Variants in ATF6 observed in about 807,000 individuals in gnomAD.
ATF6 encodes the protein cyclic AMP-dependent transcription factor ATF-6 alpha.
ATF6 carries 53 observed loss-of-function variants against 83.6 expected under a neutral mutation model. That is an observed-to-expected ratio of 0.63 (90% CI 0.51 to 0.80). The LOEUF (loss-of-function observed/expected upper bound fraction) is 0.80. ATF6 is among the 30% of genes least tolerant of loss of function. The pLI is 0.00. For synonymous variants in ATF6, 288 were observed against 285.8 expected (o/e 1.01, Z -0.08); for missense variants, 744 against 797.9 (o/e 0.93, Z 0.81).
Position 161,911,277 on chromosome 1 carries a change from T to C in ATF6, c.1720-1019T>C, listed in dbSNP as rs1260810525. Among the ~76,000 whole-genome samples, 4 of 152,222 alleles carry C rather than the reference T, an allele frequency of 2.6e-5. No homozygotes were observed. In the South Asian group the frequency reaches 6.2e-4, roughly 24 times the overall value. On this transcript the variant is annotated intron_variant, in intron 14 of 15. Coordinates refer to ENST00000367942, the MANE Select transcript of ATF6 (RefSeq NM_007348.4). ...ATGCTCCCTTAAATGGAAATGCTAA[T>C]ATACTTCTTTTTTTCTTTTTTCTGT...
intron 15 of ATF6, among the ~76,000 whole-genome samples, chr1:161,922,577 G>A (rs536617467): frequency 1.3e-5 from 2 of 152,106 alleles, no homozygotes; most frequent in South Asian, 2.1e-4. Context: ...AAATATGGTG[G>A]GAGTCAGGGG....
intron 9 of ATF6, among the ~76,000 whole-genome samples, chr1:161,842,708 C>T (rs1686386257): frequency 6.6e-6 from 1 of 152,146 alleles, no homozygotes; most frequent in South Asian, 2.1e-4. Flanking sequence ...AAACAACGTA[C>T]TCATCTCACC....
At chr1:161,887,707 C>T (rs1454119547) in intron 14 of ATF6, among the ~76,000 whole-genome samples, 2 of 152,208 alleles carry the variant, frequency 1.3e-5, no homozygotes, top group Admixed American at 6.5e-5. Context: ...GGAATTCACA[C>T]ATAGGACCCC....
At chr1:161,951,438 A>AT (rs1008671959) in intron 15 of ATF6, among the ~76,000 whole-genome samples, 1 of 152,240 alleles carries the variant, frequency 6.6e-6, no homozygotes, top group African/African-American at 2.4e-5. Context: ...ACCAGCAAGT[A>AT]TTAGAGGACA....
chr1:161,954,770 C>G (rs1159144904), intron 15 of ATF6, among the ~76,000 whole-genome samples: 1 of 152,152 alleles, frequency 6.6e-6, no homozygotes, highest in Non-Finnish European at 1.5e-5. Context: ...AGCCATTTAG[C>G]TCTTTCCTTT....
At chr1:161,856,983 CTT>C (rs1686779405) in intron 12 of ATF6, among the ~76,000 whole-genome samples, 1 of 152,154 alleles carries the variant, frequency 6.6e-6, no homozygotes, top group Non-Finnish European at 1.5e-5. Context: ...ATGTGAGAAT[CTT>C]AGCTACTATA....
At chr1:161,869,165 A>G (rs1687071642) in intron 14 of ATF6, among the ~76,000 whole-genome samples, 1 of 152,078 alleles carries the variant, frequency 6.6e-6, no homozygotes, top group African/African-American at 2.4e-5. Context: ...AACGAATTTC[A>G]AAAATAGCAA....
intron 12 of ATF6, among the ~76,000 whole-genome samples, chr1:161,855,460 A>G (rs973016617): frequency 2.0e-5 from 3 of 152,320 alleles, no homozygotes; most frequent in Middle Eastern, 3.4e-3. Context: ...TAAGTTTGTT[A>G]TGGCTATTAG....
intron 1 of ATF6, among the ~76,000 whole-genome samples, chr1:161,773,946 C>T (rs921598018): frequency 4.6e-5 from 7 of 152,022 alleles, no homozygotes; most frequent in African/African-American, 9.7e-5. Flanking sequence ...GATAAACGTG[C>T]GTTTTCCTTA....
chr1:161,772,218 A>G (rs538040584), intron 1 of ATF6, among the ~76,000 whole-genome samples: 1 of 152,080 alleles, frequency 6.6e-6, no homozygotes, highest in Admixed American at 6.5e-5. Context: ...TTTCATATTC[A>G]TGTCTGTCTC....
intron 14 of ATF6, among the ~76,000 whole-genome samples, chr1:161,888,838 A>T (rs1687486698): frequency 6.6e-6 from 1 of 152,162 alleles, no homozygotes; most frequent in Non-Finnish European, 1.5e-5. Context: ...TTCCTTAAGC[A>T]TGGCAAACAG....
chr1:161,871,490 A>G (rs1687123050), intron 14 of ATF6, among the ~76,000 whole-genome samples: 1 of 151,644 alleles, frequency 6.6e-6, no homozygotes, highest in Non-Finnish European at 1.5e-5. Flanking sequence ...TGAACTTAAA[A>G]TAAAAGTTAA....
chr1:161,776,447 G>A (rs1398449415), intron 1 of ATF6, among the ~76,000 whole-genome samples: 1 of 152,098 alleles, frequency 6.6e-6, no homozygotes, highest in East Asian at 1.9e-4. Context: ...TGACATCTCT[G>A]TGTTGGGAGG....
At chr1:161,777,390 T>C (rs1055642956) in intron 1 of ATF6, among the ~76,000 whole-genome samples, 2 of 152,240 alleles carry the variant, frequency 1.3e-5, no homozygotes, top group African/African-American at 4.8e-5. Flanking sequence ...GAAATGTTAC[T>C]GTAATTGGTC....
intron 15 of ATF6, among the ~76,000 whole-genome samples, chr1:161,933,419 G>C (rs1274088675): frequency 6.6e-6 from 1 of 152,148 alleles, no homozygotes; most frequent in Non-Finnish European, 1.5e-5. Flanking sequence ...CAACATTAAA[G>C]TTGTAAGACA....
intron 8 of ATF6, among the ~76,000 whole-genome samples, chr1:161,820,368 A>G (rs984509884): frequency 5.9e-5 from 9 of 152,180 alleles, no homozygotes; most frequent in Non-Finnish European, 1.2e-4. Flanking sequence ...GAATACTCCT[A>G]TATTTTACTG....
At chr1:161,843,193 G>A (rs1316205857) in intron 9 of ATF6, among the ~76,000 whole-genome samples, 4 of 152,156 alleles carry the variant, frequency 2.6e-5, no homozygotes, top group African/African-American at 9.7e-5. Flanking sequence ...ACATCTTTGA[G>A]ATGTGGGAGG....
At chr1:161,801,543 T>TA (rs1685149765) in intron 6 of ATF6, among the ~76,000 whole-genome samples, 1 of 152,128 alleles carries the variant, frequency 6.6e-6, no homozygotes, top group South Asian at 2.1e-4. Context: ...AGCACTGGGA[T>TA]TACAGGTGTA....
chr1:161,781,140 G>A (rs1400056414), intron 2 of ATF6, among the ~76,000 whole-genome samples: 10 of 152,280 alleles, frequency 6.6e-5, no homozygotes, highest in Non-Finnish European at 1.0e-4. Flanking sequence ...CTGAAATTAT[G>A]TGACACTTCT....
Sources: allele counts gnomAD v4.1 joint callset (sites outside exome capture counted in the v4.1 genomes callset), GRCh38; gene constraint gnomAD v4.1.1; transcripts MANE v1.5; gene names NCBI Gene and HGNC (gene_info 2026-07-23, HGNC 2026-07-21).